Variants in ABCB9 observed in about 807,000 individuals in gnomAD.
ABCB9 encodes ABC-type oligopeptide transporter ABCB9.
ABCB9 carries 36 observed loss-of-function variants against 62.0 expected under a neutral mutation model. The ratio of observed to expected loss-of-function variants is 0.58; its 90% CI spans 0.45 to 0.77. The LOEUF is 0.77. Ranked by LOEUF, ABCB9 falls within the 30% of genes least tolerant of loss-of-function variation. The pLI, the probability that ABCB9 is intolerant of heterozygous loss-of-function variation, is 0.00. For missense variants in ABCB9, 943 were observed against 1,054.7 expected, an observed-to-expected ratio of 0.89 and a Z score of 1.47; for synonymous variants, 435 against 461.4, an observed-to-expected ratio of 0.94 and a Z score of 0.73.
chr12:122,927,501 C>T (rs1165561557), downstream of ABCB9, among the ~76,000 whole-genome samples: 2 of 152,170 alleles, frequency 1.3e-5, no homozygotes, highest in Admixed American at 6.5e-5. Context: ...TCCTATGTAC[C>T]TCCTAAAAAG....
downstream of ABCB9, among the ~76,000 whole-genome samples, chr12:122,919,881 G>GTTTATTTATTTTTTT: frequency 7.2e-6 from 1 of 138,896 alleles, no homozygotes; most frequent in East Asian, 2.2e-4. Flanking sequence ...CTGTTTGTTT[G>GTTTATTTATTTTTTT]TTTATTTATT....
upstream of ABCB9, among the ~76,000 whole-genome samples, chr12:122,969,070 C>A (rs1367762658): frequency 6.6e-6 from 1 of 152,016 alleles, no homozygotes; most frequent in Non-Finnish European, 1.5e-5. Flanking sequence ...GCTGCAATGT[C>A]AGGTGCACTG....
At chr12:122,919,976 G>A (rs1164327577), downstream of ABCB9, among the ~76,000 whole-genome samples, 3 of 151,504 alleles carry the variant, frequency 2.0e-5, no homozygotes, top group African/African-American at 7.3e-5. Flanking sequence ...GCACAATCTC[G>A]GCTCACTGCC....
chr12:122,940,167 C>T lies in ABCB9; in HGVS notation c.1687G>A (p.Val563Met), dbSNP rs1422543662. 1 of 1,613,558 alleles carries T rather than the reference C, an allele frequency of 6.2e-7. No homozygotes were observed. Residue 563 changes from valine (V) to methionine (M), a missense_variant, in exon 9 of 12, where the codon GTG becomes ATG. Val to Met is a conservative substitution (Grantham distance 21). Coordinates refer to ENST00000280560, the MANE Select transcript of ABCB9 (RefSeq NM_019625.4). The surrounding 1 kb of genome is among the most constrained non-coding windows in gnomAD (Gnocchi z 4.8). ...ENFYPLEGGRVLLDGKPISAY... is the reference protein window; with the variant it reads ...ENFYPLEGGRMLLDGKPISAY... ...CTGATGGGCTTGCCGTCCAGCAGCACCCGGCCCCCCTCCAGGGGGTAGAAG... is the reference window on the plus strand; with the variant it reads ...CTGATGGGCTTGCCGTCCAGCAGCATCCGGCCCCCCTCCAGGGGGTAGAAG...
chr12:122,946,220 C>G lies in ABCB9; in HGVS notation c.1056G>C (p.Arg352Ser), dbSNP rs748716558. The stretch of plus-strand genomic sequence containing the variant: ...GGGCATTCTGGACCTCTTTGGAGAG[C>G]CTCTATGGACAGGAGGGGGACAAGA... ...VSNIYGKYYK[R>S]LSKEVQNALA... Residue 352 changes from arginine (R) to serine (S), a missense_variant and splice_region_variant, in exon 6 of 12, where the codon AGG (arginine) becomes AGC (serine). Arg to Ser is a moderately radical substitution (Grantham distance 110). Transcript: ENST00000280560. 10 of 1,613,996 alleles carry G rather than the reference C, an allele frequency of 6.2e-6. No individual in the cohort carries two copies. The highest frequency in any genetic ancestry group is 2.2e-5 in the East Asian group (1 of 44,900).
rs1439862223 is a variant in ABCB9, at chr12:122,929,767, A to G, written c.*144T>C. The G allele has an allele frequency of 5.7e-6, 8 of 1,412,350 alleles. No homozygotes were observed. Among genetic ancestry groups the G allele is most frequent in the Non-Finnish European group, 6.5e-6 (7 of 1,084,296 alleles). The allele number at this position is 1,412,350 out of a possible 1,614,324, so 87.5% of individuals were successfully genotyped here. ...GGGGCAGGGACCAGGGGCAAGATGC[A>G]GGAAGCGGTGATCCATGGGACATGG... is the stretch of plus-strand genomic sequence containing the variant. On this transcript the variant is annotated 3_prime_UTR_variant, in exon 12 of 12. Transcript: ENST00000280560. This position sits in a 1 kb window ranked among gnomAD's most constrained non-coding sequence, Gnocchi z 6.0.
At chr12:122,957,292 C>A (rs925012279) in intron 2 of ABCB9, among the ~76,000 whole-genome samples, 1 of 152,174 alleles carries the variant, frequency 6.6e-6, no homozygotes, top group Admixed American at 6.5e-5. Flanking sequence ...GATCCTGTAG[C>A]CTTGGTCTCC....
Position 122,964,175 on chromosome 12 carries a change from C to T in ABCB9, c.-88+2112G>A, listed in dbSNP as rs561521030. The stretch of plus-strand genomic sequence containing the variant: ...TCGGGCTCAGAAGTGGAACAGGAGG[C>T]AGATCCGCAAGAGACTCAAAACCTG... On this transcript the variant is annotated intron_variant, in intron 1 of 11. Coordinates refer to ENST00000280560, the MANE Select transcript of ABCB9 (RefSeq NM_019625.4). The surrounding 1 kb of genome is among the most constrained non-coding windows in gnomAD (Gnocchi z 4.7). Among the ~76,000 whole-genome samples the T allele has an allele frequency of 2.6e-4, 39 of 152,268 alleles. No homozygotes were observed. The highest frequency in any genetic ancestry group is 5.9e-4 in the Admixed American group (9 of 15,302).
In ABCB9 at chr12:122,947,767, TGGCATCACAGC is replaced by T. The variant is rs2036124118; in HGVS notation, c.1053+846_1053+856del. The T allele has an allele frequency of 1.9e-5, 3 of 160,014 alleles. No homozygotes were observed. Among genetic ancestry groups the T allele is most frequent in the Non-Finnish European group, 3.5e-5 (3 of 86,452 alleles). 9.9% of individuals were successfully genotyped at this position (160,014 alleles called of 1,614,324 possible). A position where few individuals can be genotyped will look rare whatever the true frequency, so the allele number is the denominator to read the frequency against. ...TGATGGCATCACAGCGGGCCCGCGA[TGGCATCACAGC>T]GGGCCCGCACCACCCCCACATACAC... On this transcript the variant is annotated intron_variant, in intron 5 of 11. Transcript: ENST00000280560. The surrounding 1 kb of genome is among the most constrained non-coding windows in gnomAD (Gnocchi z 6.0).
chr12:122,940,379 C>T lies in ABCB9; in HGVS notation c.1570-95G>A. On this transcript the variant is annotated intron_variant, in intron 8 of 11. Transcript: ENST00000280560. This position sits in a 1 kb window ranked among gnomAD's most constrained non-coding sequence, Gnocchi z 4.8. ...GACACAGGTGGGTGCCCTTCCCAGC[C>T]CACCCCATGTGCCTCTCCCTCGCTT... 4 of 1,430,504 alleles carry T rather than the reference C, an allele frequency of 2.8e-6. No homozygotes were observed. The highest frequency in any genetic ancestry group is 3.7e-6 in the Non-Finnish European group (4 of 1,067,386). The allele number at this position is 1,430,504 out of a possible 1,614,324, so 88.6% of individuals were successfully genotyped here.
At chr12:122,924,086 C>T (rs897636777), downstream of ABCB9, among the ~76,000 whole-genome samples, 13 of 152,216 alleles carry the variant, frequency 8.5e-5, no homozygotes, top group Non-Finnish European at 4.4e-5. Flanking sequence ...GCAGCTGCCT[C>T]AGGCATTGAC....
chr12:122,946,481 G>GT, intron 5 of ABCB9: 2 of 528,022 alleles, frequency 3.8e-6, no homozygotes, highest in Non-Finnish European at 6.8e-6. Context: ...GGTGCTGATC[G>GT]TTAAGTCATC....
Position 122,959,757 on chromosome 12 carries a change from C to A in ABCB9, c.479G>T (p.Gly160Val). The change falls in exon 2 of 12, where the codon GGG becomes GTG. Residue 160 changes from glycine to valine, a missense_variant. By Grantham distance (109) the Gly-to-Val change is moderately radical. Transcript: ENST00000280560. The surrounding 1 kb of genome is among the most constrained non-coding windows in gnomAD (Gnocchi z 5.4). The stretch of plus-strand genomic sequence containing the variant: ...CTGCTCGGGCGGTGGCCGGCCGCTC[C>A]CAGGGAAGCCCTCAGCCTCGGTGGC... ...GAATEAEGFPGSGRPPPEQAS... is the reference protein window; with the variant it reads ...GAATEAEGFPVSGRPPPEQAS... The A allele has an allele frequency of 1.2e-6, 2 of 1,611,798 alleles. No individual in the cohort carries two copies. The highest frequency in any genetic ancestry group is 1.7e-6 in the Non-Finnish European group (2 of 1,179,148).
intron 1 of ABCB9, among the ~76,000 whole-genome samples, chr12:122,963,424 A>G (rs2135925297): frequency 6.6e-6 from 1 of 152,282 alleles, no homozygotes; most frequent in African/African-American, 2.4e-5. Flanking sequence ...CATTGGCTCC[A>G]GGCACTTACA....
chr12:122,959,508 G>T lies in ABCB9; in HGVS notation c.601+127C>A. The T allele has an allele frequency of 1.4e-6, 2 of 1,435,546 alleles. No homozygotes were observed. The highest frequency in any genetic ancestry group is 1.9e-6 in the Non-Finnish European group (2 of 1,070,774). 88.9% of individuals were successfully genotyped at this position (1,435,546 alleles called of 1,614,324 possible). A position where few individuals can be genotyped will look rare whatever the true frequency, so the allele number is the denominator to read the frequency against. On this transcript the variant is annotated intron_variant, in intron 2 of 11. Transcript: ENST00000280560. This position sits in a 1 kb window ranked among gnomAD's most constrained non-coding sequence, Gnocchi z 5.4. ...TTATAGATATGAGCCACTATGCCTG[G>T]CCTCTTTTCCTTTTCATATCAATTT...
At chr12:122,928,695 A>G (rs1324123202), downstream of ABCB9, among the ~76,000 whole-genome samples, 1 of 152,162 alleles carries the variant, frequency 6.6e-6, no homozygotes, top group East Asian at 1.9e-4. Context: ...GGAAAAGAAC[A>G]GGTGGCATTT....
At position 122,932,161 on chromosome 12, in the gene ABCB9, C is replaced by T. The variant is rs1184089563; in HGVS notation, c.2040+31G>A. 1 of 1,551,000 alleles carries T rather than the reference C, an allele frequency of 6.4e-7. No homozygotes were observed. The highest frequency in any genetic ancestry group is 8.7e-7 in the Non-Finnish European group (1 of 1,147,258). On this transcript the variant is annotated intron_variant, in intron 11 of 11. Coordinates refer to ENST00000280560, the MANE Select transcript of ABCB9 (RefSeq NM_019625.4). The surrounding 1 kb of genome is among the most constrained non-coding windows in gnomAD (Gnocchi z 4.7). ...CTCTGGCCACCTGGAGCCGCTCCTG[C>T]CCCCGCATTGCCCACCACCCTGTGA...
intron 3 of ABCB9, 101 bp from the exon 4 acceptor site, chr12:122,950,019 C>T (rs2036275505): frequency 1.3e-6 from 2 of 1,509,702 alleles, no homozygotes; most frequent in South Asian, 2.4e-5. Context: ...AGCCCCACCG[C>T]AGCCCCACTC....
chr12:122,942,338 A>G (rs541196637), intron 7 of ABCB9, among the ~76,000 whole-genome samples: 112 of 152,196 alleles, frequency 7.4e-4, no homozygotes, highest in Admixed American at 1.9e-3. Context: ...CTGTAATCCC[A>G]GCACTTTGGG....
Sources: allele counts gnomAD v4.1 joint callset (sites outside exome capture counted in the v4.1 genomes callset), GRCh38; gene constraint gnomAD v4.1.1; non-coding constraint Gnocchi (gnomAD v3.1); transcripts MANE v1.5; gene names NCBI Gene and HGNC (gene_info 2026-07-23, HGNC 2026-07-21).